The following NAV2 variants were observed in gnomAD, a reference collection of about 807,000 sequenced individuals.
The protein encoded by NAV2 is helicase, APC down-regulated 1.
Under a neutral mutation model 223.2 loss-of-function variants are expected in NAV2, and 54 were observed. The ratio of observed to expected loss-of-function variants is 0.24; its 90% CI spans 0.19 to 0.30. NAV2 has a LOEUF of 0.30. NAV2 is among the 10% of genes least tolerant of loss of function. The pLI, the probability that NAV2 is intolerant of heterozygous loss-of-function variation, is 1.00. For synonymous variants in NAV2, 1,279 were observed against 1,239.3 expected (o/e 1.03, Z -0.67); for missense variants, 2,806 against 3,147.5 (o/e 0.89, Z 2.60).
chr11:19,529,152 T>C (rs2043945474), intron 1 of NAV2, among the ~76,000 whole-genome samples: 1 of 152,170 alleles, frequency 6.6e-6, no homozygotes, highest in Admixed American at 6.5e-5. Flanking sequence ...ACTCCCAATA[T>C]TGTCTTTATT....
intron 11 of NAV2, among the ~76,000 whole-genome samples, chr11:19,995,567 G>C (rs1398327111): frequency 6.6e-6 from 1 of 152,168 alleles, no homozygotes; most frequent in African/African-American, 2.4e-5. Flanking sequence ...TGTTGTTGCT[G>C]ATGGCAGGTA....
intron 31 of NAV2, 72 bp downstream of exon 31, chr11:20,097,817 C>A (rs903850796): frequency 5.8e-6 from 8 of 1,368,784 alleles, no homozygotes; most frequent in Non-Finnish European, 7.9e-6. Context: ...GGCATAGGCA[C>A]TTGTGGCCCC....
In NAV2 at chr11:19,475,854, G is replaced by A. The variant is rs775703111; in HGVS notation, c.75+124827G>A. 3.9e-5 allele frequency among the ~76,000 whole-genome samples: 6 copies of A among 152,254 alleles called. No individual in the cohort carries two copies. The South Asian group carries it at 6.2e-4, about 16-fold the overall frequency. On this transcript the variant is annotated intron_variant, in intron 1 of 37. Coordinates refer to the NAV2 transcript ENST00000360655. ...ATCAGAAGAACCAACAACTTTTGTCGTGCATGTTCATATGGTAAGAGCCAC... is the reference window on the plus strand; with the variant it reads ...ATCAGAAGAACCAACAACTTTTGTCATGCATGTTCATATGGTAAGAGCCAC...
chr11:19,358,534 C>T (rs1156271797), intron 1 of NAV2, among the ~76,000 whole-genome samples: 1 of 152,166 alleles, frequency 6.6e-6, no homozygotes, highest in African/African-American at 2.4e-5. Flanking sequence ...ATTTCCAGCA[C>T]CTACACTCCC....
At chr11:20,001,106 G>A (rs904718883) in intron 11 of NAV2, among the ~76,000 whole-genome samples, 3 of 152,086 alleles carry the variant, frequency 2.0e-5, no homozygotes, top group African/African-American at 7.2e-5. Context: ...TAAGCCGGCT[G>A]CACCAAACAC....
At chr11:19,535,866 G>A (rs1408863079) in intron 1 of NAV2, among the ~76,000 whole-genome samples, 1 of 152,186 alleles carries the variant, frequency 6.6e-6, no homozygotes, top group Admixed American at 6.5e-5. Context: ...GGTTGAGTAT[G>A]GGGACCTTCT....
At chr11:19,925,739 T>G (rs1052556119) in intron 6 of NAV2, among the ~76,000 whole-genome samples, 3 of 149,920 alleles carry the variant, frequency 2.0e-5, no homozygotes, top group African/African-American at 7.4e-5. Flanking sequence ...CAGAGTAAGA[T>G]TCTGTCTCAA....
At chr11:19,563,311 C>G (rs553605687) in intron 1 of NAV2, among the ~76,000 whole-genome samples, 2 of 152,180 alleles carry the variant, frequency 1.3e-5, no homozygotes, top group Non-Finnish European at 2.9e-5. Flanking sequence ...ACAGCTCTAC[C>G]AGTAATACAG....
Position 20,045,269 on chromosome 11 carries a change from A to G in NAV2, c.3501A>G (p.Ser1167=). 6.2e-7 allele frequency: 1 copy of G among 1,614,188 alleles called. No individual in the cohort carries two copies. Among genetic ancestry groups the G allele is most frequent in the Non-Finnish European group, 8.5e-7 (1 of 1,180,024 alleles). The change falls in exon 14 of 38, where the codon TCA becomes TCG. Residue 1167 remains serine, a synonymous_variant. Transcript: ENST00000349880. ...TCAGTCGGTCTGCTGGTCGGAAGTC[A>G]AGTATGGATGGGGCTCAGAATCAGG... The part of the protein sequence containing the change: ...ALVSRSAGRK[S]SMDGAQNQDD...
At chr11:20,046,675 A>G (rs1564922089) in intron 14 of NAV2, among the ~76,000 whole-genome samples, 1 of 152,012 alleles carries the variant, frequency 6.6e-6, no homozygotes, top group Non-Finnish European at 1.5e-5. Flanking sequence ...ATTTCCTGTT[A>G]CCTTAAATAG....
At chr11:19,991,250 C>G (rs1023040447) in intron 11 of NAV2, among the ~76,000 whole-genome samples, 2 of 152,186 alleles carry the variant, frequency 1.3e-5, no homozygotes, top group Non-Finnish European at 2.9e-5. Context: ...CTCAGCCTCC[C>G]AAGTAGCTGG....
At chr11:20,082,544 T>C in intron 25 of NAV2, 2 of 1,609,636 alleles carry the variant, frequency 1.2e-6, no homozygotes, top group South Asian at 1.1e-5. Flanking sequence ...TAAAAAATTG[T>C]CTTTTTTCCT....
chr11:20,078,803 G>A (rs1156395680), intron 24 of NAV2, among the ~76,000 whole-genome samples: 1 of 152,166 alleles, frequency 6.6e-6, no homozygotes, highest in East Asian at 1.9e-4. Flanking sequence ...GTGTATCTTG[G>A]GGTAATGTAG....
intron 11 of NAV2, among the ~76,000 whole-genome samples, chr11:20,018,594 C>T (rs916911870): frequency 1.3e-5 from 2 of 152,134 alleles, no homozygotes; most frequent in African/African-American, 4.8e-5. Flanking sequence ...CAGGAGACTG[C>T]ATGGAATAAT....
At chr11:19,849,200 G>A (rs1033145404) in intron 3 of NAV2, among the ~76,000 whole-genome samples, 1 of 152,160 alleles carries the variant, frequency 6.6e-6, no homozygotes, top group African/African-American at 2.4e-5. Context: ...CCTAGGGAGA[G>A]GCAGAGTTGG....
At chr11:19,601,964 G>A (rs137931126) in intron 1 of NAV2, among the ~76,000 whole-genome samples, 16 of 152,264 alleles carry the variant, frequency 1.1e-4, no homozygotes, top group African/African-American at 3.6e-4. Flanking sequence ...ACACTGCCCA[G>A]CTCTGAGCCT....
chr11:19,869,668 T>A lies in NAV2; in HGVS notation c.511+671T>A, dbSNP rs73437616. On this transcript the variant is annotated intron_variant, in intron 4 of 37. Coordinates refer to ENST00000349880, the MANE Select transcript of NAV2 (RefSeq NM_145117.5). ...ATACAAGCAGCTGCCAGCTCAGAGC[T>A]GCCATAGGCCCAGGCATCCTCCCAA... Among the ~76,000 whole-genome samples the A allele has an allele frequency of 1.5e-4, 23 of 152,144 alleles. 1 individual carries two copies. Among genetic ancestry groups the A allele is most frequent in the African/African-American group, 5.6e-4 (23 of 41,432 alleles).
At position 20,083,065 on chromosome 11, in the gene NAV2, C is replaced by G; in HGVS notation, c.5384C>G (p.Ser1795Cys). Residue 1795 changes from serine (S) to cysteine (C), a missense_variant, in exon 26 of 38, where the codon TCT becomes TGT. Physicochemically the swap from Ser to Cys is moderately radical, Grantham distance 112 (BLOSUM62 -1). Coordinates refer to ENST00000349880, the MANE Select transcript of NAV2 (RefSeq NM_145117.5). ...AAGAAGTCCCCAAAATCTGCGTCCTCTCATTCAGATATTGAGGAGATGACG... is the reference window on the plus strand; with the variant it reads ...AAGAAGTCCCCAAAATCTGCGTCCTGTCATTCAGATATTGAGGAGATGACG... ...GKKKSPKSAS[S>C]HSDIEEMTDS... 1.2e-6 allele frequency: 2 copies of G among 1,614,198 alleles called. No homozygotes were observed. The highest frequency in any genetic ancestry group is 2.2e-5 in the East Asian group (1 of 44,884).
intron 1 of NAV2, among the ~76,000 whole-genome samples, chr11:19,489,421 G>C (rs990096778): frequency 6.6e-6 from 1 of 152,204 alleles, no homozygotes; most frequent in African/African-American, 2.4e-5. Context: ...TGGGAAGGCA[G>C]AGACTATAGT....
Sources: gnomAD v4.1 joint callset for allele counts (sites outside exome capture counted in the v4.1 genomes callset) on GRCh38, gnomAD v4.1.1 for gene constraint, MANE v1.5 for transcripts, NCBI Gene and HGNC (gene_info 2026-07-23, HGNC 2026-07-21) for gene names.